The following ANO1 variants were observed in gnomAD, a reference collection of about 807,000 sequenced individuals.
The protein encoded by ANO1 is anoctamin 1.
In ANO1, 59 loss-of-function variants were observed where a neutral mutation model predicts 124.0. The observed-to-expected ratio is 0.48, with a 90% CI of 0.39 to 0.59. The LOEUF (loss-of-function observed/expected upper bound fraction) is 0.59. Among genes scored for constraint, ANO1 ranks in the 20% least tolerant of loss-of-function variants. ANO1 has a pLI of 0.00. For missense variants in ANO1, 1,059 were observed against 1,328.0 expected, an observed-to-expected ratio of 0.80 and a Z score of 3.15; for synonymous variants, 529 against 532.0, an observed-to-expected ratio of 0.99 and a Z score of 0.08.
At chr11:70,031,961 T>C (rs79230305) in intron 1 of ANO1, among the ~76,000 whole-genome samples, 3,625 of 152,122 alleles carry the variant, frequency 0.024, 139 homozygotes, top group East Asian at 0.16. Flanking sequence ...CCCCCCCTCC[T>C]CACGGTCCAT....
intron 23 of ANO1, among the ~76,000 whole-genome samples, chr11:70,180,589 G>C (rs2048892513): frequency 2.0e-5 from 3 of 152,046 alleles, no homozygotes; most frequent in African/African-American, 4.8e-5. Flanking sequence ...CAAGCTTTGA[G>C]CAAAATTCTC....
At chr11:70,086,170 T>G (rs2135216041) in intron 1 of ANO1, among the ~76,000 whole-genome samples, 1 of 152,348 alleles carries the variant, frequency 6.6e-6, no homozygotes, top group East Asian at 1.9e-4. Context: ...GCTCGAGGGA[T>G]GAGGCACAGC....
intron 16 of ANO1, 101 bp from the exon 17 acceptor site, chr11:70,161,060 C>A: frequency 1.8e-6 from 2 of 1,103,068 alleles, no homozygotes; most frequent in East Asian, 2.6e-5. Flanking sequence ...AGCAGAAGAG[C>A]GGGAAGGTTG....
intron 1 of ANO1, among the ~76,000 whole-genome samples, chr11:70,055,962 A>G (rs1182595719): frequency 2.0e-5 from 3 of 152,078 alleles, no homozygotes; most frequent in African/African-American, 7.2e-5. Context: ...TTTTAACTTC[A>G]TTTACCTTCC....
intron 9 of ANO1, among the ~76,000 whole-genome samples, chr11:70,125,080 C>T (rs768423406): frequency 9.9e-5 from 15 of 152,162 alleles, no homozygotes; most frequent in African/African-American, 1.4e-4. Flanking sequence ...CGGTGGCTCA[C>T]GCCTGTAATC....
At chr11:70,144,137 T>C (rs1237586049) in intron 11 of ANO1, among the ~76,000 whole-genome samples, 1 of 152,134 alleles carries the variant, frequency 6.6e-6, no homozygotes, top group Non-Finnish European at 1.5e-5. Context: ...TTTATATTTA[T>C]TTATATATAT....
intron 10 of ANO1, among the ~76,000 whole-genome samples, chr11:70,127,715 A>G (rs1014431631): frequency 2.0e-5 from 3 of 152,030 alleles, no homozygotes; most frequent in African/African-American, 7.2e-5. Context: ...AAAAGAGTCA[A>G]GTTTTGAGAA....
chr11:70,020,473 C>T (rs1478853513), intron 1 of ANO1, among the ~76,000 whole-genome samples: 1 of 152,246 alleles, frequency 6.6e-6, no homozygotes, highest in Non-Finnish European at 1.5e-5. Flanking sequence ...CCTTGAGCCT[C>T]TCTCCAGCCT....
At chr11:70,096,437 G>C (rs762609931) in intron 2 of ANO1, among the ~76,000 whole-genome samples, 5 of 152,160 alleles carry the variant, frequency 3.3e-5, no homozygotes, top group African/African-American at 4.8e-5. Context: ...TCCTACCTGA[G>C]CTCTGCCTCC....
chr11:70,117,110 T>C (rs1446322116), intron 8 of ANO1, among the ~76,000 whole-genome samples: 2 of 146,062 alleles, frequency 1.4e-5, no homozygotes, highest in African/African-American at 5.0e-5. Context: ...CTTTTTTTTT[T>C]TTTTTTTTTT....
chr11:70,047,331 C>A (rs181835685), intron 1 of ANO1, among the ~76,000 whole-genome samples: 38 of 151,894 alleles, frequency 2.5e-4, no homozygotes, highest in Admixed American at 2.2e-3. Flanking sequence ...TCTATAAACC[C>A]AAAAGTATTC....
intron 24 of ANO1, among the ~76,000 whole-genome samples, chr11:70,183,952 A>C (rs561669886): frequency 6.6e-6 from 1 of 152,330 alleles, no homozygotes; most frequent in African/African-American, 2.4e-5. Context: ...CAGAGAGGTC[A>C]AGTGATTGCC....
Position 70,185,599 on chromosome 11 carries a change from C to T in ANO1, c.2598C>T (p.Asp866=), listed in dbSNP as rs761634163. 1 of 1,613,926 alleles carries T rather than the reference C, an allele frequency of 6.2e-7. No individual in the cohort carries two copies. Among genetic ancestry groups the T allele is most frequent in the Non-Finnish European group, 8.5e-7 (1 of 1,179,846 alleles). The change falls in exon 25 of 26, where the codon GAC becomes GAT. Residue 866 remains aspartate (D), a synonymous_variant. Transcript: ENST00000355303. The part of the protein sequence containing the change: ...GYEVQICRYK[D]YREPPWSENK... ...CCACGGTCTTTTGCAGGTATAAAGA[C>T]TACCGAGAGCCGCCGTGGTCGGAAA...
At chr11:70,064,676 C>T (rs1857674039) in intron 1 of ANO1, 1 of 152,398 alleles carries the variant, frequency 6.6e-6, no homozygotes, top group East Asian at 1.9e-4. Context: ...AGTTCTCTTC[C>T]TCCACTCCTT....
chr11:70,116,628 G>A lies in ANO1; in HGVS notation c.897+129G>A, dbSNP rs2045986841. On this transcript the variant is annotated intron_variant, in intron 8 of 25. Transcript: ENST00000355303. ...CCTCCCCAGGGCGCTCGCTGCAGGG[G>A]GCTGAGAAGCGGGTGTCCCCTCTCA... is the stretch of plus-strand genomic sequence containing the variant. The A allele has an allele frequency of 7.4e-6, 6 of 816,216 alleles. No homozygotes were observed. The South Asian group carries it at 8.0e-5, about 11-fold the overall frequency. The allele number at this position is 816,216 out of a possible 1,614,324, so 50.6% of individuals were successfully genotyped here.
chr11:70,112,206 T>C (rs2135410771), intron 7 of ANO1, among the ~76,000 whole-genome samples: 1 of 152,332 alleles, frequency 6.6e-6, no homozygotes, highest in East Asian at 1.9e-4. Context: ...ATATAGCCCA[T>C]GTCAGTGGCT....
intron 1 of ANO1, among the ~76,000 whole-genome samples, chr11:70,003,462 T>C (rs1409223348): frequency 6.6e-6 from 1 of 152,198 alleles, no homozygotes; most frequent in East Asian, 1.9e-4. Flanking sequence ...GGCATTCTTG[T>C]ATGGAAAGTG....
At chr11:70,028,534 T>C (rs1241447134) in intron 1 of ANO1, among the ~76,000 whole-genome samples, 1 of 151,878 alleles carries the variant, frequency 6.6e-6, no homozygotes, top group Non-Finnish European at 1.5e-5. Context: ...TGGTCTCTCC[T>C]GGACAGACAC....
At chr11:69,985,073 C>A (rs1183159200), upstream of ANO1, among the ~76,000 whole-genome samples, 1 of 152,172 alleles carries the variant, frequency 6.6e-6, no homozygotes, top group East Asian at 1.9e-4. Context: ...ATTGTCCAGA[C>A]CTTGGTTTCT....
Sources: gnomAD v4.1 joint callset for allele counts (sites outside exome capture counted in the v4.1 genomes callset) on GRCh38, gnomAD v4.1.1 for gene constraint, MANE v1.5 for transcripts, NCBI Gene and HGNC (gene_info 2026-07-23, HGNC 2026-07-21) for gene names.